FRYL: variants seen among roughly 807,000 people sequenced by gnomAD.
FRYL encodes protein furry homolog-like.
A neutral mutation model predicts 351.2 loss-of-function variants in FRYL; 150 were observed. The observed-to-expected ratio is 0.43, with a 90% CI of 0.37 to 0.49. The LOEUF is 0.49. Ranked by LOEUF, FRYL falls within the 20% of genes least tolerant of loss-of-function variation. FRYL has a pLI of 0.00. For synonymous variants in FRYL, 1,153 were observed against 1,257.1 expected (o/e 0.92, Z 1.75); for missense variants, 3,036 against 3,619.3 (o/e 0.84, Z 4.13).
intron 23 of FRYL, among the ~76,000 whole-genome samples, chr4:48,576,665 A>G (rs1196814151): frequency 6.6e-6 from 1 of 152,130 alleles, no homozygotes; most frequent in African/African-American, 2.4e-5. Context: ...GTTTTTGTGG[A>G]CTGATATCAA....
rs185499094 is a variant in FRYL at position 48,499,120 on chromosome 4, T to C, written c.*302A>G. On this transcript the variant is annotated 3_prime_UTR_variant, in exon 64 of 64. Coordinates refer to ENST00000358350, the MANE Select transcript of FRYL (RefSeq NM_015030.2). Reference sequence around the variant, plus strand: ...ATTGCAAACATTCTTGGAATTCTTTTCTTTCCCCAGAAAGTAATGTATTTG... The same window carrying C: ...ATTGCAAACATTCTTGGAATTCTTTCCTTTCCCCAGAAAGTAATGTATTTG... 5 of 237,526 alleles carry C rather than the reference T, an allele frequency of 2.1e-5. No homozygotes were observed. In the East Asian group the frequency reaches 5.2e-4, roughly 25 times the overall value. The allele number at this position is 237,526 out of a possible 1,614,324, so 14.7% of individuals were successfully genotyped here.
In FRYL at chr4:48,505,536, A is replaced by C. The variant is rs1720718184; in HGVS notation, c.8463+11T>G. 6.4e-7 allele frequency: 1 copy of C among 1,572,824 alleles called. No individual in the cohort carries two copies. Among genetic ancestry groups the C allele is most frequent in the African/African-American group, 1.4e-5 (1 of 73,884 alleles). ...AAATGTATGTTGCAAAAACAGGAAC[A>C]AGAAACTTACTTGTGCATCTGTGTT... On this transcript the variant is annotated intron_variant, in intron 60 of 63. Transcript: ENST00000358350.
intron 61 of FRYL, among the ~76,000 whole-genome samples, chr4:48,502,365 ACC>A (rs1233333833): frequency 6.6e-6 from 1 of 151,966 alleles, no homozygotes; most frequent in East Asian, 1.9e-4. Flanking sequence ...ATGTGGTGAA[ACC>A]CCGTCTCTAC....
In FRYL at chr4:48,634,417, A is replaced by G. The variant is rs1560758957; in HGVS notation, c.-7T>C. 2 of 1,598,640 alleles carry G rather than the reference A, an allele frequency of 1.3e-6. No homozygotes were observed. Among genetic ancestry groups the G allele is most frequent in the East Asian group, 2.3e-5 (1 of 44,392 alleles). ...CAATCGTAATGTTTGACATGATGAT[A>G]TTTTTTTTTCCCCAAGTGGAATGAA... On this transcript the variant is annotated 5_prime_UTR_variant, in exon 4 of 64. Transcript: ENST00000358350.
chr4:48,501,144 G>A (rs1175066450), intron 62 of FRYL, among the ~76,000 whole-genome samples: 2 of 150,358 alleles, frequency 1.3e-5, no homozygotes, highest in East Asian at 2.0e-4. Flanking sequence ...GAGGGAGGGG[G>A]GTTGATGATA....
At chr4:48,591,103 A>G (rs1223287486) in intron 16 of FRYL, among the ~76,000 whole-genome samples, 2 of 151,968 alleles carry the variant, frequency 1.3e-5, no homozygotes, top group Non-Finnish European at 2.9e-5. Context: ...CAACTCTCCT[A>G]TCCTTCTATG....
intron 59 of FRYL, among the ~76,000 whole-genome samples, chr4:48,509,039 A>G (rs1156954739): frequency 6.6e-6 from 1 of 152,198 alleles, no homozygotes; most frequent in Non-Finnish European, 1.5e-5. Context: ...TATTTTAACA[A>G]TCTACCTTTG....
intron 1 of FRYL, among the ~76,000 whole-genome samples, chr4:48,761,482 C>T (rs1215192168): frequency 6.6e-6 from 1 of 152,136 alleles, no homozygotes; most frequent in East Asian, 1.9e-4. Context: ...TCTGCACTGC[C>T]AGTCATATAA....
chr4:48,582,998 A>G (rs1398892444), intron 19 of FRYL, among the ~76,000 whole-genome samples: 2 of 152,220 alleles, frequency 1.3e-5, no homozygotes, highest in Non-Finnish European at 2.9e-5. Context: ...TACAAATGAC[A>G]TTAGAATTCC....
At chr4:48,507,784 A>G (rs1262896234) in intron 59 of FRYL, among the ~76,000 whole-genome samples, 1 of 152,196 alleles carries the variant, frequency 6.6e-6, no homozygotes, top group Admixed American at 6.5e-5. Context: ...AGAACTGCAG[A>G]GAAGTGACCC....
At chr4:48,628,478 A>G (rs1560746439) in intron 4 of FRYL, among the ~76,000 whole-genome samples, 1 of 145,354 alleles carries the variant, frequency 6.9e-6, no homozygotes. Flanking sequence ...AGGTGATTTC[A>G]TATAAGTAAA....
At chr4:48,654,552 C>T (rs1758424233) in intron 3 of FRYL, among the ~76,000 whole-genome samples, 1 of 152,136 alleles carries the variant, frequency 6.6e-6, no homozygotes, top group African/African-American at 2.4e-5. Context: ...CCCCATCAGC[C>T]TCTAAAACTG....
rs886435650 is a variant in FRYL, at chr4:48,574,984, T to C, written c.2846+133A>G. 2.5e-5 allele frequency: 15 copies of C among 611,644 alleles called. No homozygotes were observed. In the Admixed American group the frequency reaches 4.2e-4, roughly 17 times the overall value. The allele number at this position is 611,644 out of a possible 1,614,324, so 37.9% of individuals were successfully genotyped here. On this transcript the variant is annotated intron_variant, in intron 25 of 63. Coordinates refer to ENST00000358350, the MANE Select transcript of FRYL (RefSeq NM_015030.2). ...GTTAAATGTTACATGGCTAGTTAAT[T>C]GGTGAAAGTCAGGCCTGGTATGCGG... is the stretch of plus-strand genomic sequence containing the variant.
intron 9 of FRYL, among the ~76,000 whole-genome samples, chr4:48,606,943 G>C (rs1325951481): frequency 1.3e-5 from 2 of 152,096 alleles, no homozygotes; most frequent in African/African-American, 4.8e-5. Flanking sequence ...ATGTAAATCA[G>C]TGTCTCCAAC....
chr4:48,635,156 T>A (rs1224444800), intron 3 of FRYL, among the ~76,000 whole-genome samples: 1 of 152,170 alleles, frequency 6.6e-6, no homozygotes, highest in African/African-American at 2.4e-5. Context: ...AGGGAGCAAG[T>A]CACAGAAGAT....
intron 2 of FRYL, among the ~76,000 whole-genome samples, chr4:48,698,144 T>C (rs1766378803): frequency 1.3e-5 from 2 of 152,098 alleles, no homozygotes; most frequent in South Asian, 2.1e-4. Flanking sequence ...GTTACCTAAA[T>C]ATGTTCAAGC....
chr4:48,500,585 A>G (rs1260855116), intron 62 of FRYL, among the ~76,000 whole-genome samples: 1 of 152,186 alleles, frequency 6.6e-6, no homozygotes, highest in African/African-American at 2.4e-5. Context: ...ACCCCAGGGT[A>G]TTTTTATATA....
intron 2 of FRYL, among the ~76,000 whole-genome samples, chr4:48,708,835 C>T (rs2149587486): frequency 6.6e-6 from 1 of 152,278 alleles, no homozygotes; most frequent in African/African-American, 2.4e-5. Flanking sequence ...CTCAGGTCAT[C>T]CTCCCACCTG....
At chr4:48,655,673 T>C (rs1758706408) in intron 3 of FRYL, among the ~76,000 whole-genome samples, 1 of 147,344 alleles carries the variant, frequency 6.8e-6, no homozygotes, top group South Asian at 2.1e-4. Context: ...TAATGTATAA[T>C]GTATTATATA....
Sources: allele counts gnomAD v4.1 joint callset (sites outside exome capture counted in the v4.1 genomes callset), GRCh38; gene constraint gnomAD v4.1.1; transcripts MANE v1.5; gene names NCBI Gene and HGNC (gene_info 2026-07-23, HGNC 2026-07-21).